TRMT44: variants seen among roughly 807,000 people sequenced by gnomAD.
The protein encoded by TRMT44 is probable tRNA (uracil-O(2)-)-methyltransferase.
Under a neutral mutation model 77.3 loss-of-function variants are expected in TRMT44, and 78 were observed. The ratio of observed to expected loss-of-function variants is 1.01; its 90% CI spans 0.84 to 1.22. TRMT44 has a LOEUF of 1.22. Among genes scored for constraint, TRMT44 ranks in the 50% most tolerant of loss-of-function variants. The pLI, the probability that TRMT44 is intolerant of heterozygous loss-of-function variation, is 0.00. For synonymous variants in TRMT44, 391 were observed against 383.3 expected (o/e 1.02, Z -0.23); for missense variants, 1,090 against 964.4 (o/e 1.13, Z -1.73).
At chr4:8,500,687 C>T in the TRMT44 span, among the ~76,000 whole-genome samples, 399 of 148,828 alleles carry the variant, frequency 2.7e-3, 4 homozygotes, top group African/African-American at 9.4e-3. Context: ...GGCAGAGTCT[C>T]ACTCTGTTGC....
At position 8,440,781 on chromosome 4, in the gene TRMT44, T is replaced by G; in HGVS notation, c.-42T>G. On this transcript the variant is annotated 5_prime_UTR_variant, in exon 1 of 11. Transcript: ENST00000389737. The stretch of plus-strand genomic sequence containing the variant: ...CGCGCCGCGCCACCGGGCTGCGTCA[T>G]CTCGGCGCGCCGCTGCCAGGGCTGT... The G allele has an allele frequency of 1.4e-6, 2 of 1,380,614 alleles. No homozygotes were observed. Among genetic ancestry groups the G allele is most frequent in the Non-Finnish European group, 1.9e-6 (2 of 1,072,218 alleles). 85.5% of individuals were successfully genotyped at this position (1,380,614 alleles called of 1,614,324 possible). A position where few individuals can be genotyped will look rare whatever the true frequency, so the allele number is the denominator to read the frequency against.
At chr4:8,493,246 G>A (rs1031591274) in intron 2 of TRMT44, 3 of 152,188 alleles carry the variant, frequency 2.0e-5, no homozygotes, top group Admixed American at 1.3e-4. Context: ...CCTAAGATGA[G>A]TGCTTAACAT....
intron 10 of TRMT44, among the ~76,000 whole-genome samples, chr4:8,471,891 G>A (rs1727029526): frequency 6.6e-6 from 1 of 152,210 alleles, no homozygotes; most frequent in Non-Finnish European, 1.5e-5. Context: ...TGCCAGTGGT[G>A]TACACACTTC....
chr4:8,451,987 A>G lies in TRMT44; in HGVS notation c.982A>G (p.Lys328Glu). The change falls in exon 4 of 11, where the codon AAG becomes GAG. Residue 328 changes from lysine to glutamate, a missense_variant. By Grantham distance (56) the Lys-to-Glu change is moderately conservative. Transcript: ENST00000389737. The surrounding 1 kb of genome is among the most constrained non-coding windows in gnomAD (Gnocchi z 4.1). ...GTGGCCTGAAGTCACTGATCCTGAG[A>G]AGTTCGTGTATGAAGATGTGGCTAT... ...KVWPEVTDPEKFVYEDVAIAA... is the reference protein window; with the variant it reads ...KVWPEVTDPEEFVYEDVAIAA... 1 of 1,536,732 alleles carries G rather than the reference A, an allele frequency of 6.5e-7. No individual in the cohort carries two copies. The highest frequency in any genetic ancestry group is 8.7e-7 in the Non-Finnish European group (1 of 1,147,034).
At position 8,471,085 on chromosome 4, in the gene TRMT44, G is replaced by A. The variant is rs1726960374; in HGVS notation, c.1929G>A (p.Glu643=). Residue 643 remains glutamate, a splice_region_variant and synonymous_variant, in exon 10 of 11, where the codon GAG becomes GAA. Coordinates refer to ENST00000389737, the MANE Select transcript of TRMT44 (RefSeq NM_152544.3). ...NGSLKTWNGG[E]SLSLAEVANE... ...AAAAAAAAACCCGTTTTTCCACAGA[G>A]AGCCTATCTCTGGCAGAAGTAGCCA... is the stretch of plus-strand genomic sequence containing the variant. 6.3e-7 allele frequency: 1 copy of A among 1,586,454 alleles called. No homozygotes were observed. The highest frequency in any genetic ancestry group is 8.5e-7 in the Non-Finnish European group (1 of 1,169,952).
chr4:8,468,976 T>C (rs907058741), intron 9 of TRMT44, among the ~76,000 whole-genome samples: 9 of 151,582 alleles, frequency 5.9e-5, no homozygotes, highest in Non-Finnish European at 1.3e-4. Flanking sequence ...TGGCTTCTCT[T>C]GCAGTTTTGG....
chr4:8,454,626 A>G, intron 5 of TRMT44, 116 bp from the exon 6 acceptor site: 1 of 909,554 alleles, frequency 1.1e-6, no homozygotes, highest in Non-Finnish European at 1.7e-6. Context: ...GCTGGCAGGA[A>G]GCTCTTCTCT....
At chr4:8,465,758 G>A (rs573451555) in intron 8 of TRMT44, among the ~76,000 whole-genome samples, 197 bp downstream of exon 8, 2 of 152,214 alleles carry the variant, frequency 1.3e-5, no homozygotes, top group South Asian at 2.1e-4. Context: ...AAAGGCACCC[G>A]GTGCTCCCTC....
rs1727372174 is a variant in TRMT44, at chr4:8,476,176, G to C, written c.*175G>C. ...TTCATAAACATCACACGCCAGAGAAGCCACAGTTACTCGGAAGCCCCCAGC... is the reference window on the plus strand; with the variant it reads ...TTCATAAACATCACACGCCAGAGAACCCACAGTTACTCGGAAGCCCCCAGC... On this transcript the variant is annotated 3_prime_UTR_variant, in exon 11 of 11. Coordinates refer to ENST00000389737, the MANE Select transcript of TRMT44 (RefSeq NM_152544.3). 1 of 647,666 alleles carries C rather than the reference G, an allele frequency of 1.5e-6. No homozygotes were observed. Among genetic ancestry groups the C allele is most frequent in the Non-Finnish European group, 2.6e-6 (1 of 381,242 alleles). The allele number at this position is 647,666 out of a possible 1,614,324, so 40.1% of individuals were successfully genotyped here. A position where few individuals can be genotyped will look rare whatever the true frequency, so the allele number is the denominator to read the frequency against.
chr4:8,486,981 C>G (rs992769772), intron 2 of TRMT44, among the ~76,000 whole-genome samples: 6 of 152,004 alleles, frequency 3.9e-5, no homozygotes, highest in Non-Finnish European at 8.8e-5. Flanking sequence ...GGGGTTGGGA[C>G]TGAGGGGACA....
rs1724652738 is a variant in TRMT44 at position 8,441,159 on chromosome 4, C to G, written c.337C>G (p.Gln113Glu). The change falls in exon 1 of 11, where the codon CAG becomes GAG. Residue 113 changes from glutamine (Q) to glutamate (E), a missense_variant. Gln to Glu is a conservative substitution (Grantham distance 29). Transcript: ENST00000389737. ...GGGCCAGTGCCAGCAAGAGGAGGCA[C>G]AGAGGGAAGCCGCCTCAGTGCCCCT... ...AQGQCQQEEAQREAASVPLRD... is the reference protein window; with the variant it reads ...AQGQCQQEEAEREAASVPLRD... 6.5e-7 allele frequency: 1 copy of G among 1,527,694 alleles called. No homozygotes were observed. The highest frequency in any genetic ancestry group is 2.0e-5 in the Admixed American group (1 of 50,590). The allele number at this position is 1,527,694 out of a possible 1,614,324, so 94.6% of individuals were successfully genotyped here.
chr4:8,467,465 A>C (rs1190851686), intron 8 of TRMT44, among the ~76,000 whole-genome samples: 1 of 151,570 alleles, frequency 6.6e-6, no homozygotes, highest in Non-Finnish European at 1.5e-5. Context: ...GTCAGTTTTT[A>C]TTTTGTATTT....
At chr4:8,513,062 G>A in the TRMT44 span, among the ~76,000 whole-genome samples, 1 of 152,126 alleles carries the variant, frequency 6.6e-6, no homozygotes, top group Non-Finnish European at 1.5e-5. Flanking sequence ...GATTACAGGT[G>A]CCCGCCACCA....
chr4:8,516,473 C>T, the TRMT44 span, among the ~76,000 whole-genome samples: 1 of 152,192 alleles, frequency 6.6e-6, no homozygotes, highest in Non-Finnish European at 1.5e-5. Flanking sequence ...CTTCACCATT[C>T]CCTGAAAAAC....
At chr4:8,478,615 G>C (rs139278818), downstream of TRMT44, 3 of 152,750 alleles carry the variant, frequency 2.0e-5, no homozygotes, top group African/African-American at 4.8e-5. Flanking sequence ...GGGGTGGAGC[G>C]GGGCACTGAT....
chr4:8,515,935 C>T, the TRMT44 span, among the ~76,000 whole-genome samples: 51,199 of 151,938 alleles, frequency 0.34, 8,611 homozygotes, highest in South Asian at 0.44. Context: ...TGGAAGAGCT[C>T]GCCAGGCTTT....
chr4:8,449,949 C>CTTTTCTTTTTT (rs761311536), intron 3 of TRMT44, 61 bp downstream of exon 3: 16 of 239,132 alleles, frequency 6.7e-5, no homozygotes, highest in South Asian at 3.0e-4. Context: ...CTTTTCTTTT[C>CTTTTCTTTTTT]TTTTTTTTTT....
rs372615855 is a variant in TRMT44, at chr4:8,476,239, C to T, written c.*238C>T. ...TTGTTTCAGATGCAGCCGCTTGAAACGTGCGCAGCATCTTCATATCATAAA... is the reference window on the plus strand; with the variant it reads ...TTGTTTCAGATGCAGCCGCTTGAAATGTGCGCAGCATCTTCATATCATAAA... On this transcript the variant is annotated 3_prime_UTR_variant, in exon 11 of 11. Transcript: ENST00000389737. 1.4e-5 allele frequency: 8 copies of T among 575,590 alleles called. No homozygotes were observed. Among genetic ancestry groups the T allele is most frequent in the East Asian group, 2.9e-5 (1 of 34,592 alleles). The allele number at this position is 575,590 out of a possible 1,614,324, so 35.7% of individuals were successfully genotyped here. A position where few individuals can be genotyped will look rare whatever the true frequency, so the allele number is the denominator to read the frequency against.
At position 8,476,066 on chromosome 4, in the gene TRMT44, C is replaced by A. The variant is rs1162677674; in HGVS notation, c.*65C>A. 2.0e-6 allele frequency: 3 copies of A among 1,470,384 alleles called. No homozygotes were observed. The highest frequency in any genetic ancestry group is 2.8e-5 in the African/African-American group (2 of 72,176). 91.1% of individuals were successfully genotyped at this position (1,470,384 alleles called of 1,614,324 possible). A position where few individuals can be genotyped will look rare whatever the true frequency, so the allele number is the denominator to read the frequency against. ...AACCAAGGAGAGCTTCCCCAGCAGTCGTCAGTGCTGTGGTCTCTGCTCTGG... is the reference window on the plus strand; with the variant it reads ...AACCAAGGAGAGCTTCCCCAGCAGTAGTCAGTGCTGTGGTCTCTGCTCTGG... On this transcript the variant is annotated 3_prime_UTR_variant, in exon 11 of 11. Transcript: ENST00000389737.
Sources: allele counts gnomAD v4.1 joint callset (sites outside exome capture counted in the v4.1 genomes callset), GRCh38; gene constraint gnomAD v4.1.1; non-coding constraint Gnocchi (gnomAD v3.1); transcripts MANE v1.5; gene names NCBI Gene and HGNC (gene_info 2026-07-23, HGNC 2026-07-21).